EPOR: variants seen among roughly 807,000 people sequenced by gnomAD.
EPOR encodes the protein erythropoietin receptor.
In EPOR, 20 loss-of-function variants were observed where a neutral mutation model predicts 34.3. The observed-to-expected ratio is 0.58, with a 90% CI of 0.41 to 0.85. The LOEUF (loss-of-function observed/expected upper bound fraction) is 0.85, where lower values mean the gene tolerates loss of function less well. Among genes scored for constraint, EPOR ranks in the 40% least tolerant of loss-of-function variants. EPOR has a pLI of 0.00. For synonymous variants in EPOR, 312 were observed against 299.0 expected (o/e 1.04, Z -0.45); for missense variants, 601 against 672.7 (o/e 0.89, Z 1.18).
Position 11,381,430 on chromosome 19 carries a change from C to T in EPOR, c.586-221G>A. The T allele has an allele frequency of 1.5e-6, 1 of 674,954 alleles. No individual in the cohort carries two copies. The highest frequency in any genetic ancestry group is 1.9e-5 in the South Asian group (1 of 53,922). 41.8% of individuals were successfully genotyped at this position (674,954 alleles called of 1,614,324 possible). On this transcript the variant is annotated intron_variant, in intron 4 of 7. Coordinates refer to ENST00000222139, the MANE Select transcript of EPOR (RefSeq NM_000121.4). The surrounding 1 kb of genome is among the most constrained non-coding windows in gnomAD (Gnocchi z 5.3). ...GGACCCGGGCAATTTAATATCTGGG[C>T]TAGCACTCGTAGAGGGACCCGGGCG... is the stretch of plus-strand genomic sequence containing the variant.
At chr19:11,382,203 A>C in intron 2 of EPOR, 98 bp from the exon 3 acceptor site, 1 of 989,750 alleles carries the variant, frequency 1.0e-6, no homozygotes, top group Non-Finnish European at 1.5e-6. Context: ...CACAAGGTCT[A>C]GCCTTGTGTG....
chr19:11,381,073 G>C lies in EPOR; in HGVS notation c.722C>G (p.Ser241Trp). Residue 241 changes from serine (S) to tryptophan (W), a missense_variant, in exon 5 of 8, where the codon TCG (serine) becomes TGG (tryptophan). By Grantham distance (177) the Ser-to-Trp change is radical. Transcript: ENST00000222139. This position sits in a 1 kb window ranked among gnomAD's most constrained non-coding sequence, Gnocchi z 5.3. ...GGCCTCACCGCTAGGCGTCAGCAGCGACACAGGCTCCGACCAGGCGCTCCA... is the reference window on the plus strand; with the variant it reads ...GGCCTCACCGCTAGGCGTCAGCAGCCACACAGGCTCCGACCAGGCGCTCCA... Reference protein sequence around the residue: ...GFWSAWSEPVSLLTPSDLDPL... With the variant: ...GFWSAWSEPVWLLTPSDLDPL... 6.2e-7 allele frequency: 1 copy of C among 1,602,318 alleles called. No homozygotes were observed. The highest frequency in any genetic ancestry group is 2.2e-5 in the East Asian group (1 of 44,498).
Position 11,377,908 on chromosome 19 carries a change from C to G in EPOR, c.*76G>C. 1 of 1,589,676 alleles carries G rather than the reference C, an allele frequency of 6.3e-7. No homozygotes were observed. Among genetic ancestry groups the G allele is most frequent in the African/African-American group, 1.3e-5 (1 of 74,500 alleles). On this transcript the variant is annotated 3_prime_UTR_variant, in exon 8 of 8. Coordinates refer to ENST00000222139, the MANE Select transcript of EPOR (RefSeq NM_000121.4). ...CTGCTCCTGAGAGAGGCCTCGCCATCCCTGTTCCATAAGTCTTGAGTCTGC... is the reference window on the plus strand; with the variant it reads ...CTGCTCCTGAGAGAGGCCTCGCCATGCCTGTTCCATAAGTCTTGAGTCTGC...
rs754602316 is a variant in EPOR, at chr19:11,383,161, AAC to A, written c.185_186del (p.Cys62PhefsTer24). The A allele has an allele frequency of 1.2e-6, 2 of 1,613,280 alleles. No homozygotes were observed. The highest frequency in any genetic ancestry group is 2.2e-5 in the South Asian group (2 of 91,072). On this transcript the variant is annotated frameshift_variant, in exon 2 of 8. Coordinates refer to ENST00000222139, the MANE Select transcript of EPOR (RefSeq NM_000121.4). LOFTEE classifies it high-confidence loss of function. This position sits in a 1 kb window ranked among gnomAD's most constrained non-coding sequence, Gnocchi z 4.9. ...CCAGCGCTCGCCGCTTCCTCCCAGAAACACACCAAGTCCTCCAACCGCTCGGT... is the reference window on the plus strand; with the variant it reads ...CCAGCGCTCGCCGCTTCCTCCCAGAAACACCAAGTCCTCCAACCGCTCGGT... ...CFTERLEDLV[C>X]FWEEAASAGV...
chr19:11,380,594 C>A (rs908871881), intron 6 of EPOR, among the ~76,000 whole-genome samples: 10 of 152,170 alleles, frequency 6.6e-5, no homozygotes, highest in Non-Finnish European at 1.5e-4. Context: ...CTAAATCCAT[C>A]TAGTTGATTT....
rs1193125352 is a variant in EPOR at position 11,381,237 on chromosome 19, C to A, written c.586-28G>T. On this transcript the variant is annotated intron_variant, in intron 4 of 7. Transcript: ENST00000222139. This position sits in a 1 kb window ranked among gnomAD's most constrained non-coding sequence, Gnocchi z 5.3. ...GGGGGCGGAATCAGGGCGAGGGACG[C>A]GTAGCAGACAAAAATAGATGACGTG... The A allele has an allele frequency of 1.9e-6, 3 of 1,548,394 alleles. No individual in the cohort carries two copies. Among genetic ancestry groups the A allele is most frequent in the Non-Finnish European group, 2.6e-6 (3 of 1,146,826 alleles).
chr19:11,383,399 C>T lies in EPOR; in HGVS notation c.116-167G>A. 1.5e-6 allele frequency: 1 copy of T among 654,290 alleles called. No individual in the cohort carries two copies. The highest frequency in any genetic ancestry group is 2.2e-5 in the South Asian group (1 of 44,732). 40.5% of individuals were successfully genotyped at this position (654,290 alleles called of 1,614,324 possible). On this transcript the variant is annotated intron_variant, in intron 1 of 7. Transcript: ENST00000222139. This position sits in a 1 kb window ranked among gnomAD's most constrained non-coding sequence, Gnocchi z 4.9. ...GAGGGGTCCGCAGAGGTGGTGCCCC[C>T]CTAATTCCCAGGGGCAAGTTTCTCG...
intron 6 of EPOR, among the ~76,000 whole-genome samples, chr19:11,379,283 A>G (rs1275479019): frequency 6.6e-6 from 1 of 152,192 alleles, no homozygotes; most frequent in Non-Finnish European, 1.5e-5. Context: ...GAGAGAAGGC[A>G]TTTAGGATAA....
chr19:11,380,955 G>A lies in EPOR; in HGVS notation c.756C>T (p.Ile252=), dbSNP rs1199937172. The change falls in exon 6 of 8, where the codon ATC becomes ATT. Residue 252 remains isoleucine, a synonymous_variant. Transcript: ENST00000222139. ...CCACGAGGATGAGGGAGAGCGTCAGGATGAGGGGGTCCAGGTCTAAGAGGC... is the reference window on the plus strand; with the variant it reads ...CCACGAGGATGAGGGAGAGCGTCAGAATGAGGGGGTCCAGGTCTAAGAGGC... ...LLTPSDLDPL[I]LTLSLILVVI... is the part of the protein sequence containing the mutation. 9.0e-6 allele frequency: 14 copies of A among 1,552,670 alleles called. No homozygotes were observed. Among genetic ancestry groups the A allele is most frequent in the Non-Finnish European group, 1.1e-5 (13 of 1,147,394 alleles).
At position 11,380,950 on chromosome 19, in the gene EPOR, G is replaced by A. The variant is rs2144696863; in HGVS notation, c.761C>T (p.Thr254Met). ...GATGACCACGAGGATGAGGGAGAGC[G>A]TCAGGATGAGGGGGTCCAGGTCTAA... ...TPSDLDPLIL[T>M]LSLILVVILV... Residue 254 changes from threonine to methionine, a missense_variant, in exon 6 of 8, where the codon ACG (threonine) becomes ATG (methionine). Physicochemically the swap from Thr to Met is moderately conservative, Grantham distance 81. Coordinates refer to ENST00000222139, the MANE Select transcript of EPOR (RefSeq NM_000121.4). 6.4e-7 allele frequency: 1 copy of A among 1,552,448 alleles called. No homozygotes were observed. Among genetic ancestry groups the A allele is most frequent in the Non-Finnish European group, 8.7e-7 (1 of 1,147,282 alleles).
In EPOR at chr19:11,381,244, G is replaced by C. The variant is rs1168680270; in HGVS notation, c.586-35C>G. The C allele has an allele frequency of 3.9e-6, 6 of 1,547,716 alleles. No individual in the cohort carries two copies. The highest frequency in any genetic ancestry group is 5.2e-6 in the Non-Finnish European group (6 of 1,146,242). On this transcript the variant is annotated intron_variant, in intron 4 of 7. Coordinates refer to ENST00000222139, the MANE Select transcript of EPOR (RefSeq NM_000121.4). This position sits in a 1 kb window ranked among gnomAD's most constrained non-coding sequence, Gnocchi z 5.3. ...GAATCAGGGCGAGGGACGCGTAGCA[G>C]ACAAAAATAGATGACGTGGGGGCGG...
rs756310587 is a variant in EPOR at position 11,378,446 on chromosome 19, C to T, written c.1065G>A (p.Leu355=). The change falls in exon 8 of 8, where the codon CTG becomes CTA. Residue 355 remains leucine, a synonymous_variant. Coordinates refer to ENST00000222139, the MANE Select transcript of EPOR (RefSeq NM_000121.4). The surrounding 1 kb of genome is among the most constrained non-coding windows in gnomAD (Gnocchi z 5.3). Reference sequence around the variant, plus strand: ...CATGCTCACTGCCCACTGGCTCCAGCAGGGGGCCCTCATCATCTGTCCCCG... The same window carrying T: ...CATGCTCACTGCCCACTGGCTCCAGTAGGGGGCCCTCATCATCTGTCCCCG... ...VEPGTDDEGP[L]LEPVGSEHAQ... 3 of 1,614,162 alleles carry T rather than the reference C, an allele frequency of 1.9e-6. No homozygotes were observed. The highest frequency in any genetic ancestry group is 1.7e-6 in the Non-Finnish European group (2 of 1,180,020).
Position 11,377,640 on chromosome 19 carries a change from T to G in EPOR, c.*344A>C, listed in dbSNP as rs772920916. ...ACATACTATTTTGTTATGTTATGAG[T>G]AGCATTCAGATTGCAGATCCAGCTT... is the stretch of plus-strand genomic sequence containing the variant. On this transcript the variant is annotated 3_prime_UTR_variant, in exon 8 of 8. Transcript: ENST00000222139. 8.1e-6 allele frequency: 4 copies of G among 496,604 alleles called. No individual in the cohort carries two copies. The highest frequency in any genetic ancestry group is 1.2e-5 in the Non-Finnish European group (3 of 256,032). The allele number at this position is 496,604 out of a possible 1,614,324, so 30.8% of individuals were successfully genotyped here.
At chr19:11,380,057 G>C (rs1385278799) in intron 6 of EPOR, among the ~76,000 whole-genome samples, 2 of 152,334 alleles carry the variant, frequency 1.3e-5, no homozygotes, top group South Asian at 4.1e-4. Flanking sequence ...TCCCACCTCA[G>C]GGCCTTTGCA....
chr19:11,380,916 C>A lies in EPOR; in HGVS notation c.795G>T (p.Leu265=). 6.4e-7 allele frequency: 1 copy of A among 1,551,872 alleles called. No individual in the cohort carries two copies. The highest frequency in any genetic ancestry group is 8.7e-7 in the Non-Finnish European group (1 of 1,147,050). The change falls in exon 6 of 8, where the codon CTG becomes CTT. Residue 265 remains leucine, a synonymous_variant. Coordinates refer to ENST00000222139, the MANE Select transcript of EPOR (RefSeq NM_000121.4). ...GGGAGAGCAGCGCGAGCACGGTCAG[C>A]AGCACCAGGATGACCACGAGGATGA... The part of the protein sequence containing the change: ...LSLILVVILV[L]LTVLALLSHR...
At chr19:11,380,145 C>A (rs1968336673) in intron 6 of EPOR, among the ~76,000 whole-genome samples, 1 of 152,244 alleles carries the variant, frequency 6.6e-6, no homozygotes, top group East Asian at 1.9e-4. Flanking sequence ...GTCACCTCCT[C>A]CTGGAGGCCT....
In EPOR at chr19:11,383,358, C is replaced by A; in HGVS notation, c.116-126G>T. 1.0e-6 allele frequency: 1 copy of A among 990,478 alleles called. No homozygotes were observed. The highest frequency in any genetic ancestry group is 1.4e-6 in the Non-Finnish European group (1 of 694,362). 61.4% of individuals were successfully genotyped at this position (990,478 alleles called of 1,614,324 possible). ...AAAAAAGCCCCGCCCTGCCATCTTC[C>A]CAAGCGGGTCCCTTGGAGGGGTCCG... On this transcript the variant is annotated intron_variant, in intron 1 of 7. Coordinates refer to ENST00000222139, the MANE Select transcript of EPOR (RefSeq NM_000121.4). The surrounding 1 kb of genome is among the most constrained non-coding windows in gnomAD (Gnocchi z 4.9).
chr19:11,382,979 A>T, intron 2 of EPOR, 118 bp downstream of exon 2: 2 of 1,588,962 alleles, frequency 1.3e-6, no homozygotes, highest in Non-Finnish European at 8.5e-7. Flanking sequence ...TCCAGTGACC[A>T]CGACTGGAGG....
At position 11,378,751 on chromosome 19, in the gene EPOR, G is replaced by A; in HGVS notation, c.855C>T (p.Gly285=). The A allele has an allele frequency of 6.2e-7, 1 of 1,614,182 alleles. No homozygotes were observed. The highest frequency in any genetic ancestry group is 2.2e-5 in the East Asian group (1 of 44,892). Residue 285 remains glycine, a synonymous_variant, in exon 7 of 8, where the codon GGC becomes GGT. Coordinates refer to ENST00000222139, the MANE Select transcript of EPOR (RefSeq NM_000121.4). This position sits in a 1 kb window ranked among gnomAD's most constrained non-coding sequence, Gnocchi z 5.3. The part of the protein sequence containing the change: ...RRALKQKIWP[G]IPSPESEFEG... The stretch of plus-strand genomic sequence containing the variant: ...CAAACTCGCTCTCTGGGCTCGGGAT[G>A]CCAGGCCAGATCTTCTGCTTCAGAG...
Sources: gnomAD v4.1 joint callset for allele counts (sites outside exome capture counted in the v4.1 genomes callset) on GRCh38, gnomAD v4.1.1 for gene constraint, Gnocchi (gnomAD v3.1) non-coding constraint, MANE v1.5 for transcripts, NCBI Gene and HGNC (gene_info 2026-07-23, HGNC 2026-07-21) for gene names.